Variants in SLCO2B1 observed in about 807,000 individuals in gnomAD.
SLCO2B1 encodes the protein OATP-RP2.
Under a neutral mutation model 67.3 loss-of-function variants are expected in SLCO2B1, and 41 were observed. That is an observed-to-expected ratio of 0.61 (90% CI 0.47 to 0.79). The LOEUF (loss-of-function observed/expected upper bound fraction) is 0.79. SLCO2B1 is among the 30% of genes least tolerant of loss of function. The pLI, the probability that SLCO2B1 is intolerant of heterozygous loss-of-function variation, is 0.00. For missense variants in SLCO2B1, 837 were observed against 920.1 expected, an observed-to-expected ratio of 0.91 and a Z score of 1.17; for synonymous variants, 379 against 381.4, an observed-to-expected ratio of 0.99 and a Z score of 0.07.
At chr11:75,192,902 A>G (rs993819913) in intron 8 of SLCO2B1, among the ~76,000 whole-genome samples, 18 of 152,094 alleles carry the variant, frequency 1.2e-4, no homozygotes, top group Admixed American at 1.2e-3. Context: ...AAAATTAGCC[A>G]GCATGGTGGT....
intron 1 of SLCO2B1, among the ~76,000 whole-genome samples, chr11:75,152,843 A>C (rs1376702820): frequency 6.6e-6 from 1 of 152,110 alleles, no homozygotes; most frequent in Non-Finnish European, 1.5e-5. Context: ...GGCTGTGGCC[A>C]GGCTCACCAC....
Position 75,193,440 on chromosome 11 carries a change from A to G in SLCO2B1, c.1298A>G (p.Lys433Arg), listed in dbSNP as rs748200665. 2 of 1,613,672 alleles carry G rather than the reference A, an allele frequency of 1.2e-6. No homozygotes were observed. The highest frequency in any genetic ancestry group is 8.5e-7 in the Non-Finnish European group (1 of 1,179,672). Reference sequence around the variant, plus strand: ...ATCGTGGTGGGTGGCGTCCTGGTCAAGCGGCTCCACCTGGGCCCTGTGGGA... The same window carrying G: ...ATCGTGGTGGGTGGCGTCCTGGTCAGGCGGCTCCACCTGGGCCCTGTGGGA... Reference protein sequence around the residue: ...VGIVVGGVLVKRLHLGPVGCG... With the variant: ...VGIVVGGVLVRRLHLGPVGCG... The change falls in exon 9 of 14, where the codon AAG becomes AGG. Residue 433 changes from lysine to arginine, a missense_variant. Lys to Arg is a conservative substitution (Grantham distance 26, BLOSUM62 2). Transcript: ENST00000289575. The surrounding 1 kb of genome is among the most constrained non-coding windows in gnomAD (Gnocchi z 4.2).
intron 6 of SLCO2B1, 77 bp from the exon 7 acceptor site, chr11:75,172,302 G>A (rs1245299436): frequency 7.3e-7 from 1 of 1,374,580 alleles, no homozygotes; most frequent in African/African-American, 1.4e-5. Context: ...ATGTCTCAGA[G>A]GCCAGTCCCA....
rs773581850 is a variant in SLCO2B1, at chr11:75,203,349, C to A, written c.1871C>A (p.Thr624Asn). The A allele has an allele frequency of 2.5e-6, 4 of 1,614,046 alleles. No individual in the cohort carries two copies. The African/African-American group carries it at 4.0e-5, about 16-fold the overall frequency. Residue 624 changes from threonine to asparagine, a missense_variant, in exon 13 of 14, where the codon ACC becomes AAC. Coordinates refer to ENST00000289575, the MANE Select transcript of SLCO2B1 (RefSeq NM_007256.5). ...GTGATCCACGGCAGCGCCATCGACA[C>A]CACCTGTGTGCACTGGGCCCTGAGC... is the stretch of plus-strand genomic sequence containing the variant. Reference protein sequence around the residue: ...SPVIHGSAIDTTCVHWALSCG... With the variant: ...SPVIHGSAIDNTCVHWALSCG...
chr11:75,177,157 A>G (rs1950035695), intron 7 of SLCO2B1, among the ~76,000 whole-genome samples: 1 of 151,678 alleles, frequency 6.6e-6, no homozygotes, highest in African/African-American at 2.4e-5. Flanking sequence ...GAGCAGGGCT[A>G]AGGGCCTTCC....
intron 1 of SLCO2B1, 117 bp from the exon 2 acceptor site, chr11:75,162,538 C>A: frequency 9.2e-7 from 1 of 1,092,272 alleles, no homozygotes; most frequent in Non-Finnish European, 1.3e-6. Flanking sequence ...TCTCATCAAC[C>A]ACTAAGAACT....
intron 7 of SLCO2B1, among the ~76,000 whole-genome samples, chr11:75,183,937 G>A (rs187194397): frequency 5.7e-4 from 87 of 152,348 alleles, no homozygotes; most frequent in African/African-American, 2.0e-3. Context: ...GTGAAGGAGT[G>A]TAGGACTTGC....
At chr11:75,186,313 A>T (rs1944930034) in intron 7 of SLCO2B1, among the ~76,000 whole-genome samples, 1 of 151,520 alleles carries the variant, frequency 6.6e-6, no homozygotes, top group Middle Eastern at 3.4e-3. Context: ...GGTTCAAGCG[A>T]TCTTCCTGCC....
chr11:75,168,249 A>T (rs1949916560), intron 4 of SLCO2B1, among the ~76,000 whole-genome samples: 1 of 152,124 alleles, frequency 6.6e-6, no homozygotes, highest in South Asian at 2.1e-4. Context: ...AGAGTGGGTA[A>T]GGGCCTCTGT....
At chr11:75,162,594 C>A in intron 1 of SLCO2B1, 61 bp from the exon 2 acceptor site, 1 of 1,542,008 alleles carries the variant, frequency 6.5e-7, no homozygotes, top group Non-Finnish European at 8.7e-7. Flanking sequence ...GCTATCTAAT[C>A]AGGTCAGGGC....
chr11:75,166,086 C>G (rs555745204), intron 4 of SLCO2B1, 137 bp downstream of exon 4: 89 of 1,088,288 alleles, frequency 8.2e-5, no homozygotes, highest in South Asian at 6.2e-4. Flanking sequence ...TAGTCCCCCC[C>G]CAACCTGGCT....
Position 75,169,763 on chromosome 11 carries a change from A to G in SLCO2B1, c.780A>G (p.Glu260=). 1 of 1,613,596 alleles carries G rather than the reference A, an allele frequency of 6.2e-7. No homozygotes were observed. The highest frequency in any genetic ancestry group is 8.5e-7 in the Non-Finnish European group (1 of 1,179,502). ...RLYVDINQMP[E]GGISLTIKDP... ...ATGTGGACATTAACCAGATGCCAGA[A>G]GGTGAGCCTCAGGAGCACATGTTTG... The change falls in exon 6 of 14, where the codon GAA becomes GAG. Residue 260 remains glutamate, a splice_region_variant and synonymous_variant. Transcript: ENST00000289575.
intron 2 of SLCO2B1, among the ~76,000 whole-genome samples, chr11:75,163,460 G>A (rs1265751579): frequency 1.2e-4 from 18 of 152,102 alleles, no homozygotes; most frequent in Admixed American, 1.2e-3. Flanking sequence ...GACTAGTGGG[G>A]GTGGGATGGA....
intron 4 of SLCO2B1, among the ~76,000 whole-genome samples, chr11:75,168,415 G>C (rs898958493): frequency 8.5e-5 from 13 of 152,206 alleles, no homozygotes; most frequent in Admixed American, 6.5e-4. Flanking sequence ...GGGCCGCAGA[G>C]AGAAGGCTGC....
At chr11:75,199,826 G>C (rs571852311) in intron 10 of SLCO2B1, 1 of 171,008 alleles carries the variant, frequency 5.8e-6, no homozygotes, top group African/African-American at 2.4e-5. Context: ...GGTTTTCCTC[G>C]CTACCTAGGG....
intron 7 of SLCO2B1, among the ~76,000 whole-genome samples, chr11:75,185,269 C>T (rs1950135496): frequency 6.6e-6 from 1 of 152,140 alleles, no homozygotes; most frequent in Admixed American, 6.5e-5. Context: ...AAGTGTCAGA[C>T]CCAACCAGAG....
Position 75,189,228 on chromosome 11 carries a change from C to T in SLCO2B1, c.1075+990C>T, listed in dbSNP as rs568720752. ...CCAGGAGCATTGATTGAGTGCCTGC[C>T]GTGTGCCCAGCTCTTACAGAGCACT... On this transcript the variant is annotated intron_variant, in intron 8 of 13. Transcript: ENST00000289575. Among the ~76,000 whole-genome samples the T allele has an allele frequency of 2.4e-4, 36 of 151,674 alleles. No individual in the cohort carries two copies. The Middle Eastern group carries it at 0.01, about 43-fold the overall frequency.
At chr11:75,190,500 A>G (rs141281678) in intron 8 of SLCO2B1, among the ~76,000 whole-genome samples, 2 of 151,994 alleles carry the variant, frequency 1.3e-5, no homozygotes, top group Non-Finnish European at 2.9e-5. Flanking sequence ...ACAGTCTCTG[A>G]GCTGGGGGAA....
At chr11:75,181,852 C>T (rs1394206029) in intron 7 of SLCO2B1, among the ~76,000 whole-genome samples, 1 of 152,208 alleles carries the variant, frequency 6.6e-6, no homozygotes, top group Admixed American at 6.5e-5. Context: ...AGCAGAGGCA[C>T]GTTTCCTGTT....
Sources: allele counts gnomAD v4.1 joint callset (sites outside exome capture counted in the v4.1 genomes callset), GRCh38; gene constraint gnomAD v4.1.1; non-coding constraint Gnocchi (gnomAD v3.1); transcripts MANE v1.5; gene names NCBI Gene and HGNC (gene_info 2026-07-23, HGNC 2026-07-21).